ROBO1: variants seen among roughly 807,000 people sequenced by gnomAD.
ROBO1 encodes roundabout guidance receptor 1.
In ROBO1, 149 loss-of-function variants were observed where a neutral mutation model predicts 195.9. The observed-to-expected ratio is 0.76, with a 90% CI of 0.67 to 0.87. The LOEUF (loss-of-function observed/expected upper bound fraction) is 0.87. Ranked by LOEUF, ROBO1 falls within the 40% of genes least tolerant of loss-of-function variation. The probability of loss-of-function intolerance (pLI) is 0.00; values close to 1 mark genes in which losing one functional copy is unlikely to be tolerated. For synonymous variants in ROBO1, 816 were observed against 733.2 expected (o/e 1.11, Z -1.82); for missense variants, 1,933 against 2,068.3 (o/e 0.93, Z 1.27).
intron 2 of ROBO1, among the ~76,000 whole-genome samples, chr3:79,200,068 CA>C (rs1413195666): frequency 6.6e-6 from 1 of 151,612 alleles, no homozygotes; most frequent in East Asian, 1.9e-4. Flanking sequence ...AGACAAAAAG[CA>C]GAGCCATTTA....
intron 2 of ROBO1, among the ~76,000 whole-genome samples, chr3:79,485,480 T>G (rs1939110835): frequency 6.6e-6 from 1 of 152,188 alleles, no homozygotes. Context: ...CAAAGTATTT[T>G]CAAGTTTGAA....
intron 5 of ROBO1, among the ~76,000 whole-genome samples, chr3:78,724,985 A>G (rs552770657): frequency 9.4e-4 from 143 of 152,372 alleles, no homozygotes; most frequent in Non-Finnish European, 1.6e-3. Flanking sequence ...AACAGACACA[A>G]TGTTAAACAC....
At chr3:79,687,859 C>A (rs1243080270) in intron 1 of ROBO1, among the ~76,000 whole-genome samples, 1 of 152,124 alleles carries the variant, frequency 6.6e-6, no homozygotes, top group African/African-American at 2.4e-5. Flanking sequence ...ACCCAGCCAT[C>A]CCATTACTGG....
intron 2 of ROBO1, among the ~76,000 whole-genome samples, chr3:79,481,131 T>C (rs1938831233): frequency 6.6e-6 from 1 of 152,128 alleles, no homozygotes; most frequent in Non-Finnish European, 1.5e-5. Context: ...GCCTGAATAA[T>C]GAAATCCATC....
At chr3:79,237,756 A>T (rs1406610435) in intron 2 of ROBO1, among the ~76,000 whole-genome samples, 3 of 152,094 alleles carry the variant, frequency 2.0e-5, no homozygotes, top group Non-Finnish European at 4.4e-5. Context: ...GCTTTTAAGT[A>T]CTGGAGATAT....
At chr3:78,626,352 A>T (rs1704778988) in intron 26 of ROBO1, among the ~76,000 whole-genome samples, 1 of 152,182 alleles carries the variant, frequency 6.6e-6, no homozygotes, top group Non-Finnish European at 1.5e-5. Flanking sequence ...AGAAAGCTTA[A>T]CTACTTTCTT....
intron 4 of ROBO1, among the ~76,000 whole-genome samples, chr3:78,805,162 C>T (rs1483689484): frequency 6.6e-6 from 1 of 152,036 alleles, no homozygotes; most frequent in Non-Finnish European, 1.5e-5. Context: ...TCTGTCTGCC[C>T]AATTAATACT....
At chr3:78,800,877 T>A (rs1311580014) in intron 4 of ROBO1, among the ~76,000 whole-genome samples, 1 of 152,122 alleles carries the variant, frequency 6.6e-6, no homozygotes, top group African/African-American at 2.4e-5. Context: ...ATGAAATTTT[T>A]AAAAAATGAT....
At chr3:79,741,301 G>A (rs1004519212) in intron 1 of ROBO1, among the ~76,000 whole-genome samples, 4 of 152,168 alleles carry the variant, frequency 2.6e-5, no homozygotes, top group Non-Finnish European at 4.4e-5. Context: ...AAAACTTAGA[G>A]TAGGGTATTG....
chr3:79,694,919 T>C (rs923829215), intron 1 of ROBO1, among the ~76,000 whole-genome samples: 2 of 151,682 alleles, frequency 1.3e-5, no homozygotes, highest in African/African-American at 4.8e-5. Flanking sequence ...ACTTTGGCCA[T>C]GTAATTTTGA....
intron 2 of ROBO1, among the ~76,000 whole-genome samples, chr3:79,347,955 T>C (rs2035188148): frequency 6.6e-6 from 1 of 152,124 alleles, no homozygotes; most frequent in Non-Finnish European, 1.5e-5. Context: ...CTCATGCCTG[T>C]AATCCCAGCA....
At chr3:79,544,604 A>G (rs1048481647) in intron 2 of ROBO1, among the ~76,000 whole-genome samples, 5 of 152,070 alleles carry the variant, frequency 3.3e-5, no homozygotes, top group Non-Finnish European at 7.4e-5. Flanking sequence ...AATATTATCG[A>G]TTGTTTATAT....
At chr3:78,798,677 T>C (rs545512365) in intron 4 of ROBO1, among the ~76,000 whole-genome samples, 6 of 152,320 alleles carry the variant, frequency 3.9e-5, no homozygotes, top group African/African-American at 1.4e-4. Context: ...TATTTTTAGA[T>C]CTCTGACTAG....
intron 3 of ROBO1, among the ~76,000 whole-genome samples, chr3:78,941,650 G>C (rs997948856): frequency 1.4e-4 from 21 of 152,160 alleles, no homozygotes; most frequent in Admixed American, 3.9e-4. Flanking sequence ...AAGCCTTGAA[G>C]AATGAGTCAG....
chr3:78,788,906 C>G (rs1432267637), intron 4 of ROBO1, among the ~76,000 whole-genome samples: 4 of 152,074 alleles, frequency 2.6e-5, no homozygotes, highest in African/African-American at 9.7e-5. Flanking sequence ...AGATTGCACA[C>G]TAAACAAGTT....
intron 1 of ROBO1, among the ~76,000 whole-genome samples, chr3:79,714,280 A>C (rs1318417595): frequency 6.6e-6 from 1 of 152,192 alleles, no homozygotes; most frequent in Non-Finnish European, 1.5e-5. Context: ...AGAGAAATGC[A>C]AATCAAAACC....
chr3:79,611,886 A>G (rs1944669842), intron 1 of ROBO1, among the ~76,000 whole-genome samples: 1 of 152,082 alleles, frequency 6.6e-6, no homozygotes, highest in South Asian at 2.1e-4. Context: ...TTAAAGTATA[A>G]CAACAACAAC....
At chr3:79,686,816 C>T (rs541643827) in intron 1 of ROBO1, among the ~76,000 whole-genome samples, 1 of 152,220 alleles carries the variant, frequency 6.6e-6, no homozygotes, top group South Asian at 2.1e-4. Flanking sequence ...AGATTGAATG[C>T]CATCCCCATC....
intron 2 of ROBO1, among the ~76,000 whole-genome samples, chr3:79,448,754 T>G (rs1343978005): frequency 6.6e-6 from 1 of 152,192 alleles, no homozygotes; most frequent in Non-Finnish European, 1.5e-5. Context: ...TATAATTAAG[T>G]TAAAATGGAA....
Sources: allele counts gnomAD v4.1 joint callset (sites outside exome capture counted in the v4.1 genomes callset), GRCh38; gene constraint gnomAD v4.1.1; transcripts MANE v1.5; gene names NCBI Gene and HGNC (gene_info 2026-07-23, HGNC 2026-07-21).